PTPRN2: variants seen among roughly 807,000 people sequenced by gnomAD.
PTPRN2 encodes the protein receptor-type tyrosine-protein phosphatase N2.
In PTPRN2, 74 loss-of-function variants were observed where a neutral mutation model predicts 118.8. That is an observed-to-expected ratio of 0.62 (90% CI 0.52 to 0.76). The LOEUF (loss-of-function observed/expected upper bound fraction) is 0.76, where lower values mean the gene tolerates loss of function less well. Ranked by LOEUF, PTPRN2 falls within the 30% of genes least tolerant of loss-of-function variation. The probability of loss-of-function intolerance (pLI) is 0.00; values close to 1 mark genes in which losing one functional copy is unlikely to be tolerated. For synonymous variants in PTPRN2, 641 were observed against 608.0 expected (o/e 1.05, Z -0.80); for missense variants, 1,481 against 1,394.4 (o/e 1.06, Z -0.99).
chr7:158,112,974 C>G (rs958587520), intron 9 of PTPRN2, among the ~76,000 whole-genome samples: 1 of 152,088 alleles, frequency 6.6e-6, no homozygotes, highest in Non-Finnish European at 1.5e-5. Flanking sequence ...GCACCTAAGA[C>G]GGAGCCTTGC....
At chr7:157,985,551 T>G (rs889113147) in intron 11 of PTPRN2, among the ~76,000 whole-genome samples, 1 of 152,146 alleles carries the variant, frequency 6.6e-6, no homozygotes, top group African/African-American at 2.4e-5. Flanking sequence ...GCCGCCCCAG[T>G]GATTAGAGAT....
rs142549431 is a variant in PTPRN2, at chr7:157,702,085, A to C, written c.1789-19148T>G. On this transcript the variant is annotated intron_variant, in intron 12 of 22. Coordinates refer to ENST00000389418, the MANE Select transcript of PTPRN2 (RefSeq NM_002847.5). ...CTGACGTGGGCTGTGCATTTATAAGAAAGCCTGGTCGGTCCTGGTGTAACT... is the reference window on the plus strand; with the variant it reads ...CTGACGTGGGCTGTGCATTTATAAGCAAGCCTGGTCGGTCCTGGTGTAACT... Among the ~76,000 whole-genome samples the C allele has an allele frequency of 2.5e-3, 375 of 150,490 alleles. 5 individuals carry two copies. The highest frequency in any genetic ancestry group is 8.7e-3 in the African/African-American group (354 of 40,802).
At chr7:157,980,637 G>A (rs2128828080) in intron 11 of PTPRN2, among the ~76,000 whole-genome samples, 1 of 152,308 alleles carries the variant, frequency 6.6e-6, no homozygotes, top group Non-Finnish European at 1.5e-5. Flanking sequence ...TGTAGTCCCA[G>A]CTACTTGGGA....
chr7:158,086,385 C>T (rs1813413831), intron 10 of PTPRN2, among the ~76,000 whole-genome samples: 2 of 152,262 alleles, frequency 1.3e-5, no homozygotes, highest in Non-Finnish European at 2.9e-5. Context: ...ACCCCTCACT[C>T]AGCCACAAAG....
At chr7:157,630,678 A>C (rs1803888127) in intron 14 of PTPRN2, among the ~76,000 whole-genome samples, 1 of 152,202 alleles carries the variant, frequency 6.6e-6, no homozygotes, top group African/African-American at 2.4e-5. Context: ...GTGTGCCTGC[A>C]TGCCAGGGTG....
intron 14 of PTPRN2, among the ~76,000 whole-genome samples, chr7:157,631,904 T>C (rs1803986367): frequency 6.6e-6 from 1 of 152,142 alleles, no homozygotes; most frequent in African/African-American, 2.4e-5. Flanking sequence ...CATGCTTTTT[T>C]CAAAGTCCTG....
chr7:158,416,834 A>G (rs1814697981), intron 2 of PTPRN2, among the ~76,000 whole-genome samples: 1 of 152,214 alleles, frequency 6.6e-6, no homozygotes, highest in African/African-American at 2.4e-5. Context: ...ATGGGGCAAT[A>G]AGACCTTCAC....
intron 12 of PTPRN2, among the ~76,000 whole-genome samples, chr7:157,833,349 C>T (rs546041170): frequency 6.6e-6 from 1 of 150,630 alleles, no homozygotes; most frequent in East Asian, 2.0e-4. Context: ...TGGCTGGTGC[C>T]CATCCATCCC....
At chr7:157,576,461 C>G in intron 19 of PTPRN2, 152 bp downstream of exon 19, 1 of 795,786 alleles carries the variant, frequency 1.3e-6, no homozygotes, top group South Asian at 2.0e-5. Context: ...TTAACGGAGT[C>G]TTCCCGCCTC....
At chr7:157,866,384 ACAC>A (rs1407430536) in intron 12 of PTPRN2, among the ~76,000 whole-genome samples, 3 of 152,130 alleles carry the variant, frequency 2.0e-5, no homozygotes, top group African/African-American at 7.2e-5. Flanking sequence ...ATGAGCACAC[ACAC>A]GTCCACATGT....
At chr7:157,931,050 C>T (rs1799328555) in intron 11 of PTPRN2, among the ~76,000 whole-genome samples, 1 of 152,122 alleles carries the variant, frequency 6.6e-6, no homozygotes, top group Non-Finnish European at 1.5e-5. Context: ...TCAAGAACTC[C>T]TTCTGCCGCT....
chr7:158,209,711 C>A (rs940710939), intron 3 of PTPRN2, among the ~76,000 whole-genome samples: 3 of 152,200 alleles, frequency 2.0e-5, no homozygotes, highest in Non-Finnish European at 4.4e-5. Context: ...TTGACATTTA[C>A]AGAACATTTC....
intron 12 of PTPRN2, among the ~76,000 whole-genome samples, chr7:157,790,503 C>T (rs1469581545): frequency 1.3e-5 from 2 of 152,006 alleles, no homozygotes; most frequent in Non-Finnish European, 2.9e-5. Context: ...AACAGATGGT[C>T]TAGGAATGAA....
At chr7:158,150,601 T>G (rs545521953) in intron 6 of PTPRN2, among the ~76,000 whole-genome samples, 2 of 152,018 alleles carry the variant, frequency 1.3e-5, no homozygotes, top group South Asian at 4.2e-4. Flanking sequence ...TGGAAAGACC[T>G]TTTCTCCTTA....
At chr7:157,664,383 GCA>G (rs1796035560) in intron 13 of PTPRN2, among the ~76,000 whole-genome samples, 1 of 152,250 alleles carries the variant, frequency 6.6e-6, no homozygotes, top group Non-Finnish European at 1.5e-5. Context: ...GGGGCCCAGG[GCA>G]CAGAGCGGGG....
intron 1 of PTPRN2, among the ~76,000 whole-genome samples, chr7:158,513,965 G>C (rs1823357741): frequency 6.6e-6 from 1 of 152,128 alleles, no homozygotes; most frequent in African/African-American, 2.4e-5. Flanking sequence ...TATTTCAAAG[G>C]GTGTGATTTT....
chr7:158,372,637 C>CCCACCACGCTGGTTCCCGGAGCTGATCT (rs1287657125), intron 2 of PTPRN2, among the ~76,000 whole-genome samples: 1 of 149,974 alleles, frequency 6.7e-6, no homozygotes, highest in African/African-American at 2.4e-5. Context: ...GGAGCTGGTC[C>CCCACCACGCTGGTTCCCGGAGCTGATCT]CCACCACGCT....
intron 11 of PTPRN2, among the ~76,000 whole-genome samples, chr7:158,045,258 G>A (rs1279973966): frequency 1.3e-5 from 2 of 152,196 alleles, no homozygotes; most frequent in African/African-American, 2.4e-5. Context: ...CAACAAATCC[G>A]TGAGGCTGAG....
chr7:158,109,656 C>T (rs552627373), intron 10 of PTPRN2, among the ~76,000 whole-genome samples: 10 of 148,958 alleles, frequency 6.7e-5, no homozygotes, highest in African/African-American at 2.2e-4. Context: ...GATGTCACCC[C>T]TGTGTGAAAG....
Sources: allele counts gnomAD v4.1 joint callset (sites outside exome capture counted in the v4.1 genomes callset), GRCh38; gene constraint gnomAD v4.1.1; transcripts MANE v1.5; gene names NCBI Gene and HGNC (gene_info 2026-07-23, HGNC 2026-07-21).